The following ADAM18 variants were observed in gnomAD, a reference collection of about 807,000 sequenced individuals.
The protein encoded by ADAM18 is disintegrin and metalloproteinase domain-containing protein 18.
A neutral mutation model predicts 94.4 loss-of-function variants in ADAM18; 117 were observed. The ratio of observed to expected loss-of-function variants is 1.24; its 90% confidence interval spans 1.07 to 1.45. The LOEUF is 1.45. ADAM18 is among the 40% of genes most tolerant of loss of function. The pLI is 0.00. For synonymous variants in ADAM18, 327 were observed against 291.6 expected (o/e 1.12, Z -1.24); for missense variants, 936 against 880.0 (o/e 1.06, Z -0.81).
chr8:39,647,438 G>A (rs1286184448), intron 11 of ADAM18, among the ~76,000 whole-genome samples: 1 of 152,110 alleles, frequency 6.6e-6, no homozygotes, highest in Non-Finnish European at 1.5e-5. Context: ...TCTCAGAATT[G>A]AACAAATGTA....
intron 2 of ADAM18, among the ~76,000 whole-genome samples, chr8:39,593,324 G>A (rs1818634052): frequency 2.0e-5 from 3 of 151,968 alleles, no homozygotes; most frequent in South Asian, 2.1e-4. Context: ...ACTACCCAAA[G>A]CAATAGGCAG....
At chr8:39,672,876 T>C (rs958813056) in intron 14 of ADAM18, among the ~76,000 whole-genome samples, 2 of 152,180 alleles carry the variant, frequency 1.3e-5, no homozygotes, top group Admixed American at 1.3e-4. Context: ...GAGTGAGGAC[T>C]TAGAGACACC....
chr8:39,675,413 T>G (rs2129580420), intron 14 of ADAM18, among the ~76,000 whole-genome samples: 1 of 152,364 alleles, frequency 6.6e-6, no homozygotes, highest in East Asian at 1.9e-4. Context: ...CTTAATAGAA[T>G]CGGCTATTGA....
Position 39,645,228 on chromosome 8 carries a change from C to G in ADAM18, c.910-110C>G, listed in dbSNP as rs1820345112. ...ACCAAAATAATTGTTGTGAAGTATG[C>G]TTAACATAAGAAGTATTAAAATAGA... On this transcript the variant is annotated intron_variant, in intron 10 of 19. Coordinates refer to ENST00000265707, the MANE Select transcript of ADAM18 (RefSeq NM_014237.3). 1.4e-5 allele frequency: 13 copies of G among 917,888 alleles called. No homozygotes were observed. In the South Asian group the frequency reaches 2.3e-4, roughly 16 times the overall value. 56.9% of individuals were successfully genotyped at this position (917,888 alleles called of 1,614,324 possible).
At chr8:39,727,396 T>A (rs970426373) in intron 19 of ADAM18, among the ~76,000 whole-genome samples, 1 of 152,224 alleles carries the variant, frequency 6.6e-6, no homozygotes, top group African/African-American at 2.4e-5. Flanking sequence ...TGATTAAATA[T>A]AAATTTCAAC....
chr8:39,639,571 C>T (rs186104416), intron 10 of ADAM18, among the ~76,000 whole-genome samples: 1 of 151,690 alleles, frequency 6.6e-6, no homozygotes, highest in African/African-American at 2.4e-5. Context: ...ATCCATATTT[C>T]GACTGCTTCA....
chr8:39,647,223 G>T (rs6980957), intron 11 of ADAM18, among the ~76,000 whole-genome samples: 96,421 of 145,382 alleles, frequency 0.66, 33,273 homozygotes, highest in Non-Finnish European at 0.77. Context: ...TGATAATAAG[G>T]AGAAAGTCAG....
At chr8:39,649,777 C>T (rs192798586) in intron 12 of ADAM18, among the ~76,000 whole-genome samples, 2 of 152,054 alleles carry the variant, frequency 1.3e-5, no homozygotes, top group East Asian at 3.9e-4. Context: ...AAACTAATGA[C>T]CAGCCATCAG....
intron 19 of ADAM18, 68 bp from the exon 20 acceptor site, chr8:39,729,829 TA>T (rs1021650562): frequency 1.4e-5 from 19 of 1,316,074 alleles, no homozygotes; most frequent in Admixed American, 1.8e-5. Flanking sequence ...AAATATGGTT[TA>T]AAATAGGCAA....
Position 39,645,448 on chromosome 8 carries a change from T to A in ADAM18, c.1020T>A (p.Ala340=), listed in dbSNP as rs759149959. 1.9e-6 allele frequency: 3 copies of A among 1,611,724 alleles called. No homozygotes were observed. Among genetic ancestry groups the A allele is most frequent in the African/African-American group, 2.7e-5 (2 of 74,978 alleles). Residue 340 remains alanine (A), a synonymous_variant, in exon 11 of 20, where the codon GCT becomes GCA. Transcript: ENST00000265707. ...TCACTCAGTGTTTCTGTCTGAGAGC[T>A]ACATGCATCATGAATCATGAAGCAG... ...DDITQCFCLR[A]TCIMNHEAVS... is the part of the protein sequence containing the mutation.
rs146346643 is a variant in ADAM18, at chr8:39,711,395, C to T, written c.2017+4491C>T. On this transcript the variant is annotated intron_variant, in intron 18 of 19. Transcript: ENST00000265707. ...GGAAAAGGAAAGCATGACCTATTCA[C>T]GGGAACAAAATTAATTGACAGAAAT... is the stretch of plus-strand genomic sequence containing the variant. 3.3e-5 allele frequency among the ~76,000 whole-genome samples: 5 copies of T among 152,150 alleles called. No individual in the cohort carries two copies. The East Asian group carries it at 5.8e-4, about 18-fold the overall frequency.
chr8:39,594,717 T>C (rs2129458120), intron 2 of ADAM18, among the ~76,000 whole-genome samples: 1 of 151,796 alleles, frequency 6.6e-6, no homozygotes, highest in Admixed American at 6.5e-5. Flanking sequence ...TAAGTTGTCA[T>C]TTCTTTCATT....
chr8:39,706,909 G>A lies in ADAM18; in HGVS notation c.2017+5G>A, dbSNP rs750864715. 28 of 1,511,742 alleles carry A rather than the reference G, an allele frequency of 1.9e-5. No homozygotes were observed. Among genetic ancestry groups the A allele is most frequent in the African/African-American group, 4.2e-5 (3 of 71,780 alleles). The allele number at this position is 1,511,742 out of a possible 1,614,324, so 93.6% of individuals were successfully genotyped here. A position where few individuals can be genotyped will look rare whatever the true frequency, so the allele number is the denominator to read the frequency against. On this transcript the variant is annotated splice_donor_5th_base_variant and intron_variant, in intron 18 of 19. Transcript: ENST00000265707. ...ATGGAAATTTTCAGAAATCTGGTAAGTGGAAATTTGTTTTCTAAAGCAAAA... is the reference window on the plus strand; with the variant it reads ...ATGGAAATTTTCAGAAATCTGGTAAATGGAAATTTGTTTTCTAAAGCAAAA...
intron 2 of ADAM18, among the ~76,000 whole-genome samples, chr8:39,590,602 TA>T (rs1010722544): frequency 5.3e-4 from 81 of 152,052 alleles, no homozygotes; most frequent in Admixed American, 1.8e-3. Context: ...TAAAATAAAA[TA>T]AAAAAAATAA....
In ADAM18 at chr8:39,637,312, C is replaced by T. The variant is rs1360727157; in HGVS notation, c.637C>T (p.Gln213Ter). ...EMMAVTQKIV[Q>*]VIGLVNTMFT... ...GATGGCTGTAACACAAAAAATTGTC[C>T]AGGTTATTGGGCTTGTCAACACTGT... The change falls in exon 8 of 20, where the codon CAG (glutamine) becomes TAG (stop). Residue 213 changes from glutamine (Q) to a stop codon, truncating the protein, a stop_gained. Transcript: ENST00000265707. LOFTEE classifies it high-confidence loss of function. The T allele has an allele frequency of 4.4e-6, 7 of 1,603,760 alleles. No individual in the cohort carries two copies. The highest frequency in any genetic ancestry group is 3.4e-5 in the South Asian group (3 of 89,138).
chr8:39,628,516 C>T (rs892440246), intron 6 of ADAM18, among the ~76,000 whole-genome samples: 10 of 151,890 alleles, frequency 6.6e-5, no homozygotes, highest in African/African-American at 2.4e-4. Context: ...AAATATAAAC[C>T]AACCTATTTA....
intron 17 of ADAM18, among the ~76,000 whole-genome samples, chr8:39,706,174 T>C (rs1270200117): frequency 6.6e-6 from 1 of 152,166 alleles, no homozygotes; most frequent in African/African-American, 2.4e-5. Context: ...AGAAACATTG[T>C]CAAATGTTAA....
chr8:39,590,066 C>A lies in ADAM18; in HGVS notation c.132+4714C>A, dbSNP rs1246737550. Among the ~76,000 whole-genome samples the A allele has an allele frequency of 4.1e-4, 62 of 150,156 alleles. 1 individual carries two copies. The highest frequency in any genetic ancestry group is 3.0e-5 in the Non-Finnish European group (2 of 67,662). On this transcript the variant is annotated intron_variant, in intron 2 of 19. Transcript: ENST00000265707. ...TCTAGAACTAGAAATACCATTTGAC[C>A]CAGCCATCCCATTACTGGGTATATA... is the stretch of plus-strand genomic sequence containing the variant.
intron 18 of ADAM18, among the ~76,000 whole-genome samples, chr8:39,715,463 T>C (rs1168017953): frequency 7.3e-6 from 1 of 137,668 alleles, no homozygotes; most frequent in East Asian, 2.8e-4. Flanking sequence ...ACAGTAAAAA[T>C]TGATAAAATA....
Sources: allele counts gnomAD v4.1 joint callset (sites outside exome capture counted in the v4.1 genomes callset), GRCh38; gene constraint gnomAD v4.1.1; transcripts MANE v1.5; gene names NCBI Gene and HGNC (gene_info 2026-07-23, HGNC 2026-07-21).